TLN1: variants seen among roughly 807,000 people sequenced by gnomAD.
TLN1 encodes talin 1, also known as talin-1.
Under a neutral mutation model 292.3 loss-of-function variants are expected in TLN1, and 56 were observed. The ratio of observed to expected loss-of-function variants is 0.19; its 90% CI spans 0.15 to 0.24. TLN1 has a LOEUF of 0.24. TLN1 is among the 10% of genes least tolerant of loss of function. TLN1 has a pLI of 1.00. For synonymous variants in TLN1, 1,119 were observed against 1,253.7 expected (o/e 0.89, Z 2.27); for missense variants, 2,433 against 3,248.2 (o/e 0.75, Z 6.10).
intron 30 of TLN1, 37 bp downstream of exon 30, chr9:35,711,218 A>G: frequency 1.2e-6 from 2 of 1,613,532 alleles, no homozygotes; most frequent in Non-Finnish European, 1.7e-6. Flanking sequence ...AGTCTCTCTC[A>G]CACAGTCCAG....
intron 48 of TLN1, among the ~76,000 whole-genome samples, chr9:35,702,070 G>C (rs1456030505): frequency 1.3e-5 from 2 of 152,230 alleles, no homozygotes; most frequent in Non-Finnish European, 2.9e-5. Flanking sequence ...AATTGCGGGA[G>C]AGTATGGAAG....
chr9:35,715,275 A>C (rs560733251), intron 20 of TLN1, 88 bp from the exon 21 acceptor site: 2 of 1,509,484 alleles, frequency 1.3e-6, no homozygotes, highest in South Asian at 2.5e-5. Context: ...ACTCAGTTTA[A>C]AATTCATGTA....
rs1236631760 is a variant in TLN1, at chr9:35,704,260, G to A, written c.6047+72C>T. On this transcript the variant is annotated intron_variant, in intron 45 of 56. Transcript: ENST00000314888. The surrounding 1 kb of genome is among the most constrained non-coding windows in gnomAD (Gnocchi z 6.9). ...TGGTCCAGGTCTTCCCCATTCCAGC[G>A]AATGCTATCCTGCCTCTTCCAGCCC... 1.6e-5 allele frequency: 25 copies of A among 1,577,756 alleles called. No homozygotes were observed. Among genetic ancestry groups the A allele is most frequent in the South Asian group, 5.9e-5 (5 of 84,456 alleles).
In TLN1 at chr9:35,699,458, G is replaced by C. The variant is rs775657730; in HGVS notation, c.6772C>G (p.Leu2258Val). 2.2e-5 allele frequency: 35 copies of C among 1,612,604 alleles called. No homozygotes were observed. In the South Asian group the frequency reaches 3.9e-4, roughly 18 times the overall value. Residue 2258 changes from leucine to valine, a missense_variant, in exon 51 of 57, where the codon CTG becomes GTG. Coordinates refer to ENST00000314888, the MANE Select transcript of TLN1 (RefSeq NM_006289.4). The surrounding 1 kb of genome is among the most constrained non-coding windows in gnomAD (Gnocchi z 4.0). Reference protein sequence around the residue: ...LELLDHVLLTLQKPSPELKQQ... With the variant: ...LELLDHVLLTVQKPSPELKQQ... ...TTCAGTTCTGGGCTTGGCTTCTGCA[G>C]GGTCTGGGCAAGAAGCGGGCAGGGG...
intron 33 of TLN1, among the ~76,000 whole-genome samples, chr9:35,709,886 CAAAAAAAA>C (rs546437173): frequency 7.8e-5 from 1 of 12,848 alleles, no homozygotes; most frequent in Non-Finnish European, 1.5e-4. Context: ...AACTCGGTCT[CAAAAAAAA>C]AAAAAAAAAA....
At chr9:35,702,306 G>C (rs1162264318) in intron 48 of TLN1, among the ~76,000 whole-genome samples, 1 of 152,198 alleles carries the variant, frequency 6.6e-6, no homozygotes, top group African/African-American at 2.4e-5. Context: ...AGAACTGGAT[G>C]TCTGCTTCTT....
Position 35,713,935 on chromosome 9 carries a change from G to T in TLN1, c.3249+18C>A. 1 of 1,613,934 alleles carries T rather than the reference G, an allele frequency of 6.2e-7. No homozygotes were observed. The highest frequency in any genetic ancestry group is 8.5e-7 in the Non-Finnish European group (1 of 1,179,978). ...GACTTTAGGATTTGAGTAAGAATGAGGTCTTAAACATACTTACTGTCTCCC... is the reference window on the plus strand; with the variant it reads ...GACTTTAGGATTTGAGTAAGAATGATGTCTTAAACATACTTACTGTCTCCC... On this transcript the variant is annotated intron_variant, in intron 25 of 56. Transcript: ENST00000314888.
At chr9:35,712,442 G>A (rs1298893979) in intron 27 of TLN1, among the ~76,000 whole-genome samples, 1 of 152,062 alleles carries the variant, frequency 6.6e-6, no homozygotes, top group Non-Finnish European at 1.5e-5. Context: ...TCAAGAGATC[G>A]AGACCATCCT....
At position 35,729,737 on chromosome 9, in the gene TLN1, T is replaced by C. The variant is rs539585863; in HGVS notation, c.-34+2338A>G. Among the ~76,000 whole-genome samples the C allele has an allele frequency of 4.6e-5, 7 of 152,292 alleles. No individual in the cohort carries two copies. In the South Asian group the frequency reaches 1.0e-3, roughly 23 times the overall value. On this transcript the variant is annotated intron_variant, in intron 1 of 56. Transcript: ENST00000314888. Reference sequence around the variant, plus strand: ...GACAGGTTAGAGTCCCACAGCTTCCTATCATCAGCAGCCACTTTAGCGGCT... The same window carrying C: ...GACAGGTTAGAGTCCCACAGCTTCCCATCATCAGCAGCCACTTTAGCGGCT...
At position 35,700,350 on chromosome 9, in the gene TLN1, G is replaced by A. The variant is rs1825443135; in HGVS notation, c.6501C>T (p.Ala2167=). ...LAVFCSPEPP[A]KTSTPEDFIR... ...TGAAGTCTTCTGGGGTAGAGGTCTTGGCAGGTGGCTCTGGGGAACAGAAAA... is the reference window on the plus strand; with the variant it reads ...TGAAGTCTTCTGGGGTAGAGGTCTTAGCAGGTGGCTCTGGGGAACAGAAAA... Residue 2167 remains alanine (A), a synonymous_variant, in exon 49 of 57, where the codon GCC becomes GCT. Coordinates refer to ENST00000314888, the MANE Select transcript of TLN1 (RefSeq NM_006289.4). The A allele has an allele frequency of 6.2e-7, 1 of 1,603,172 alleles. No individual in the cohort carries two copies. Among genetic ancestry groups the A allele is most frequent in the African/African-American group, 1.3e-5 (1 of 74,728 alleles).
Position 35,712,882 on chromosome 9 carries a change from C to G in TLN1, c.3514G>C (p.Ala1172Pro), listed in dbSNP as rs754542433. Residue 1172 changes from alanine to proline, a missense_variant, in exon 27 of 57, where the codon GCA becomes CCA. Ala to Pro is a conservative substitution (Grantham distance 27, BLOSUM62 -1). Coordinates refer to ENST00000314888, the MANE Select transcript of TLN1 (RefSeq NM_006289.4). ...ASSLIEEAKK[A>P]AGHPGDPESQ... ...TCAGGGTCCCCTGGATGGCCAGCTGCCTTTTTCGCCTCCTCAATGAGGCTG... is the reference window on the plus strand; with the variant it reads ...TCAGGGTCCCCTGGATGGCCAGCTGGCTTTTTCGCCTCCTCAATGAGGCTG... The G allele has an allele frequency of 6.3e-7, 1 of 1,598,440 alleles. No individual in the cohort carries two copies. Among genetic ancestry groups the G allele is most frequent in the Admixed American group, 1.7e-5 (1 of 57,812 alleles).
At chr9:35,720,628 T>TA in intron 11 of TLN1, 119 bp from the exon 12 acceptor site, 4 of 1,132,254 alleles carry the variant, frequency 3.5e-6, no homozygotes, top group Non-Finnish European at 5.1e-6. Flanking sequence ...CATTTCTTTT[T>TA]CTTTTTTTTT....
chr9:35,717,626 C>T lies in TLN1; in HGVS notation c.2156G>A (p.Cys719Tyr), dbSNP rs1825809333. Residue 719 changes from cysteine to tyrosine, a missense_variant, in exon 18 of 57, where the codon TGT becomes TAT. Physicochemically the swap from Cys to Tyr is radical, Grantham distance 194. Coordinates refer to ENST00000314888, the MANE Select transcript of TLN1 (RefSeq NM_006289.4). The surrounding 1 kb of genome is among the most constrained non-coding windows in gnomAD (Gnocchi z 4.7). ...CALSTSQLVACTKVVAPTISS... is the reference protein window; with the variant it reads ...CALSTSQLVAYTKVVAPTISS... Reference sequence around the variant, plus strand: ...GCAACCTTTGGGGCTCACCTTAGTACAGGCCACTAGTTGGGAAGTGGATAG... The same window carrying T: ...GCAACCTTTGGGGCTCACCTTAGTATAGGCCACTAGTTGGGAAGTGGATAG... 3 of 1,612,660 alleles carry T rather than the reference C, an allele frequency of 1.9e-6. No individual in the cohort carries two copies. The highest frequency in any genetic ancestry group is 2.5e-6 in the Non-Finnish European group (3 of 1,178,960).
In TLN1 at chr9:35,716,399, C is replaced by A. The variant is rs1825783901; in HGVS notation, c.2616G>T (p.Glu872Asp). Residue 872 changes from glutamate (E) to aspartate (D), a missense_variant, in exon 20 of 57, where the codon GAG becomes GAT. Coordinates refer to ENST00000314888, the MANE Select transcript of TLN1 (RefSeq NM_006289.4). ...ACAGAAGGCTTTGTACCTTGGCAGC[C>A]TCTACCATCTTGGCTGTGGCATCAG... ...ILADATAKMV[E>D]AAKGAAAHPD... 1 of 1,614,158 alleles carries A rather than the reference C, an allele frequency of 6.2e-7. No individual in the cohort carries two copies. Among genetic ancestry groups the A allele is most frequent in the African/African-American group, 1.3e-5 (1 of 75,028 alleles).
intron 48 of TLN1, among the ~76,000 whole-genome samples, chr9:35,702,706 T>C (rs1364591332): frequency 6.6e-6 from 1 of 151,914 alleles, no homozygotes; most frequent in African/African-American, 2.4e-5. Context: ...TTGGCCAGGC[T>C]GGTCTCGAAC....
intron 33 of TLN1, among the ~76,000 whole-genome samples, chr9:35,710,261 G>GA (rs921505175): frequency 1.4e-5 from 2 of 148,052 alleles, no homozygotes; most frequent in African/African-American, 4.9e-5. Context: ...GTAATAACAT[G>GA]AAAAAATAGT....
chr9:35,703,132 C>G (rs1825495621), intron 48 of TLN1, among the ~76,000 whole-genome samples: 2 of 152,092 alleles, frequency 1.3e-5, no homozygotes, highest in Non-Finnish European at 2.9e-5. Flanking sequence ...GAAACCCCAT[C>G]TCTACTAAAA....
At chr9:35,710,943 G>T in intron 31 of TLN1, 46 bp downstream of exon 31, 1 of 1,613,774 alleles carries the variant, frequency 6.2e-7, no homozygotes. Flanking sequence ...CCCAAAACCA[G>T]AACACTTCCC....
At position 35,706,380 on chromosome 9, in the gene TLN1, T is replaced by A; in HGVS notation, c.5191-14A>T. On this transcript the variant is annotated splice_polypyrimidine_tract_variant and intron_variant, in intron 39 of 56. Coordinates refer to ENST00000314888, the MANE Select transcript of TLN1 (RefSeq NM_006289.4). The surrounding 1 kb of genome is among the most constrained non-coding windows in gnomAD (Gnocchi z 4.2). Reference sequence around the variant, plus strand: ...CATCTGGGACACCTGAGGCAAGGGGTTGGACTAGGGGTCAGGTCCCCTCTC... The same window carrying A: ...CATCTGGGACACCTGAGGCAAGGGGATGGACTAGGGGTCAGGTCCCCTCTC... The A allele has an allele frequency of 6.2e-7, 1 of 1,610,664 alleles. No individual in the cohort carries two copies. Among genetic ancestry groups the A allele is most frequent in the Non-Finnish European group, 8.5e-7 (1 of 1,178,080 alleles).
Sources: allele counts gnomAD v4.1 joint callset (sites outside exome capture counted in the v4.1 genomes callset), GRCh38; gene constraint gnomAD v4.1.1; non-coding constraint Gnocchi (gnomAD v3.1); transcripts MANE v1.5; gene names NCBI Gene and HGNC (gene_info 2026-07-23, HGNC 2026-07-21).